Variants in BRAT1 observed in about 807,000 individuals in gnomAD.
BRAT1 encodes the protein integrator complex assembly factor BRAT1.
BRAT1 carries 74 observed loss-of-function variants against 70.6 expected under a neutral mutation model. The ratio of observed to expected loss-of-function variants is 1.05; its 90% confidence interval spans 0.87 to 1.27. The LOEUF (loss-of-function observed/expected upper bound fraction) is 1.27, where lower values mean the gene tolerates loss of function less well. BRAT1 is among the 50% of genes most tolerant of loss of function. The probability of loss-of-function intolerance (pLI) is 0.00; values close to 1 mark genes in which losing one functional copy is unlikely to be tolerated. For synonymous variants in BRAT1, 615 were observed against 517.1 expected (o/e 1.19, Z -2.57); for missense variants, 1,203 against 1,098.2 (o/e 1.10, Z -1.35).
chr7:2,548,008 T>C (rs890234418), intron 2 of BRAT1, among the ~76,000 whole-genome samples: 4 of 145,362 alleles, frequency 2.8e-5, no homozygotes, highest in African/African-American at 7.7e-5. Context: ...CGCTTGAACC[T>C]GGGAGGCAGA....
chr7:2,539,368 C>T lies in BRAT1; in HGVS notation c.1598-17G>A. The T allele has an allele frequency of 6.3e-7, 1 of 1,592,598 alleles. No homozygotes were observed. The highest frequency in any genetic ancestry group is 8.6e-7 in the Non-Finnish European group (1 of 1,165,666). On this transcript the variant is annotated splice_polypyrimidine_tract_variant and intron_variant, in intron 12 of 13. Coordinates refer to ENST00000340611, the MANE Select transcript of BRAT1 (RefSeq NM_152743.4). ...CAGCCTGTCCTGGGGGTCGAAACGG[C>T]CACATGCAGCTGTGACTGAGGGCCG...
chr7:2,550,908 C>T (rs1476838886), intron 2 of BRAT1, among the ~76,000 whole-genome samples: 1 of 152,148 alleles, frequency 6.6e-6, no homozygotes, highest in East Asian at 1.9e-4. Context: ...ACCAGGGTTC[C>T]ATGGTGCCAC....
In BRAT1 at chr7:2,541,764, CCGGCGCAGGA is replaced by C. The variant is rs1177188236; in HGVS notation, c.1078_1087del (p.Ser360AlafsTer33). The C allele has an allele frequency of 6.2e-7, 1 of 1,611,954 alleles. No individual in the cohort carries two copies. Among genetic ancestry groups the C allele is most frequent in the African/African-American group, 1.3e-5 (1 of 74,902 alleles). On this transcript the variant is annotated frameshift_variant, in exon 8 of 14. Coordinates refer to ENST00000340611, the MANE Select transcript of BRAT1 (RefSeq NM_152743.4). LOFTEE classifies it high-confidence loss of function. ...GTGAGCCAGGGTGCGGCACAGGAGG[CCGGCGCAGGA>C]CGACTTGGAGGCCAGGAGTGTGTCC...
At chr7:2,540,608 GC>G (rs1370559681) in intron 10 of BRAT1, 1 of 211,912 alleles carries the variant, frequency 4.7e-6, no homozygotes, top group Non-Finnish European at 9.3e-6. Flanking sequence ...ACCTGCCAGG[GC>G]CCAGCTCCGT....
rs73287544 is a variant in BRAT1 at position 2,542,224 on chromosome 7, G to T, written c.924-13C>A. ...CAGTGCCTGTGGACTGGAGACAAAC[G>T]CGAGGTGAGTGCCGCGACCCTGGCT... On this transcript the variant is annotated splice_polypyrimidine_tract_variant and intron_variant, in intron 6 of 13. Transcript: ENST00000340611. 3 of 1,551,496 alleles carry T rather than the reference G, an allele frequency of 1.9e-6. No homozygotes were observed. Among genetic ancestry groups the T allele is most frequent in the Non-Finnish European group, 2.6e-6 (3 of 1,146,074 alleles).
rs1779372413 is a variant in BRAT1, at chr7:2,543,784, T to C, written c.609A>G (p.Glu203=). The C allele has an allele frequency of 6.2e-7, 1 of 1,612,590 alleles. No individual in the cohort carries two copies. The change falls in exon 5 of 14, where the codon GAA becomes GAG. Residue 203 remains glutamate, a synonymous_variant. Transcript: ENST00000340611. This position sits in a 1 kb window ranked among gnomAD's most constrained non-coding sequence, Gnocchi z 5.5. ...ACAQKIMDHV[E]ESLCSAATPK... ...GGGTGGCCGCGGAGCACAAGGACTC[T>C]TCAACGTGATCCATGATCTTCTGGG... is the stretch of plus-strand genomic sequence containing the variant.
chr7:2,541,659 T>C, intron 8 of BRAT1, 59 bp downstream of exon 8: 5 of 1,534,182 alleles, frequency 3.3e-6, no homozygotes, highest in Non-Finnish European at 3.5e-6. Flanking sequence ...CAGCCTACGT[T>C]GCGGTCCCAC....
chr7:2,549,812 G>C (rs1779868563), intron 2 of BRAT1, among the ~76,000 whole-genome samples: 1 of 152,138 alleles, frequency 6.6e-6, no homozygotes, highest in African/African-American at 2.4e-5. Flanking sequence ...TAAAGAAGCT[G>C]ATGTAGCAAC....
At position 2,543,466 on chromosome 7, in the gene BRAT1, G is replaced by A. The variant is rs550964089; in HGVS notation, c.803+124C>T. 477 of 1,478,874 alleles carry A rather than the reference G, an allele frequency of 3.2e-4. 1 individual carries two copies. In the African/African-American group the frequency reaches 5.0e-3, roughly 15 times the overall value. 91.6% of individuals were successfully genotyped at this position (1,478,874 alleles called of 1,614,324 possible). A position where few individuals can be genotyped will look rare whatever the true frequency, so the allele number is the denominator to read the frequency against. ...CCCATGAGGGTTCCAGGGTCACCCC[G>A]GTGCCGCTTCACTGCAGGCCATGTC... is the stretch of plus-strand genomic sequence containing the variant. On this transcript the variant is annotated intron_variant, in intron 5 of 13. Coordinates refer to ENST00000340611, the MANE Select transcript of BRAT1 (RefSeq NM_152743.4). The surrounding 1 kb of genome is among the most constrained non-coding windows in gnomAD (Gnocchi z 5.5).
Position 2,541,297 on chromosome 7 carries a change from C to A in BRAT1, c.1321+1G>T. On this transcript the variant is annotated splice_donor_variant, in intron 9 of 13. Coordinates refer to ENST00000340611, the MANE Select transcript of BRAT1 (RefSeq NM_152743.4). LOFTEE classifies it high-confidence loss of function. ...GCCAAAGCCGTACAGAACACACTCA[C>A]CTGTCCCCTGTGACAGCGTCCCCAG... The A allele has an allele frequency of 6.3e-7, 1 of 1,586,572 alleles. No homozygotes were observed.
Position 2,554,442 on chromosome 7 carries a change from C to T in BRAT1, c.-11G>A. On this transcript the variant is annotated 5_prime_UTR_variant, in exon 2 of 14. Coordinates refer to ENST00000340611, the MANE Select transcript of BRAT1 (RefSeq NM_152743.4). Reference sequence around the variant, plus strand: ...GCATTCTGGGTCCATGGTGAGGCCGCAGGCCCTGCAAAGGCAATGTGAGAG... The same window carrying T: ...GCATTCTGGGTCCATGGTGAGGCCGTAGGCCCTGCAAAGGCAATGTGAGAG... 6.2e-7 allele frequency: 1 copy of T among 1,611,364 alleles called. No individual in the cohort carries two copies. Among genetic ancestry groups the T allele is most frequent in the East Asian group, 2.2e-5 (1 of 44,848 alleles).
chr7:2,551,698 A>G (rs902013808), intron 2 of BRAT1, among the ~76,000 whole-genome samples: 1 of 151,846 alleles, frequency 6.6e-6, no homozygotes, highest in African/African-American at 2.4e-5. Context: ...AAAAAAAGAA[A>G]AAGAAAAACT....
rs138016332 is a variant in BRAT1 at position 2,541,328 on chromosome 7, C to T, written c.1291G>A (p.Asp431Asn). Residue 431 changes from aspartate (D) to asparagine (N), a missense_variant, in exon 9 of 14, where the codon GAC (aspartate) becomes AAC (asparagine). Physicochemically the swap from Asp to Asn is conservative, Grantham distance 23 (BLOSUM62 1). Coordinates refer to ENST00000340611, the MANE Select transcript of BRAT1 (RefSeq NM_152743.4). The part of the protein sequence containing the change: ...GCVRVQRAAL[D>N]FLGTLSQGTG... ...CCCTGTGACAGCGTCCCCAGGAAGT[C>T]GAGGGCTGCTCGCTGGACCCGGACG... 75 of 1,600,262 alleles carry T rather than the reference C, an allele frequency of 4.7e-5. No homozygotes were observed. The African/African-American group carries it at 5.1e-4, about 11-fold the overall frequency.
intron 4 of BRAT1, 88 bp downstream of exon 4, chr7:2,544,821 C>A: frequency 1.3e-6 from 2 of 1,507,936 alleles, no homozygotes; most frequent in Non-Finnish European, 8.9e-7. Flanking sequence ...ATCGCACAGA[C>A]CAGACACTCA....
At chr7:2,546,078 T>C (rs762834475) in intron 3 of BRAT1, among the ~76,000 whole-genome samples, 2 of 152,194 alleles carry the variant, frequency 1.3e-5, no homozygotes, top group Non-Finnish European at 2.9e-5. Context: ...GACTCAGCGG[T>C]GCCTGTCTGA....
rs779829168 is a variant in BRAT1 at position 2,543,496 on chromosome 7, G to C, written c.803+94C>G. ...CGCTTCACTGCAGGCCATGTCCTCA[G>C]AGAGTCTCCGGCTGCCAGTGGGACA... On this transcript the variant is annotated intron_variant, in intron 5 of 13. Transcript: ENST00000340611. The surrounding 1 kb of genome is among the most constrained non-coding windows in gnomAD (Gnocchi z 5.5). The C allele has an allele frequency of 6.7e-7, 1 of 1,484,860 alleles. No individual in the cohort carries two copies. Among genetic ancestry groups the C allele is most frequent in the Admixed American group, 2.3e-5 (1 of 42,614 alleles). 92.0% of individuals were successfully genotyped at this position (1,484,860 alleles called of 1,614,324 possible). A position where few individuals can be genotyped will look rare whatever the true frequency, so the allele number is the denominator to read the frequency against.
intron 9 of BRAT1, 69 bp downstream of exon 9, chr7:2,541,229 C>T (rs1354899497): frequency 1.3e-6 from 2 of 1,505,070 alleles, no homozygotes; most frequent in Admixed American, 2.3e-5. Flanking sequence ...TTCCCGGGTG[C>T]CTCCGAGCAG....
rs532819796 is a variant in BRAT1, at chr7:2,544,365, G to A, written c.431-403C>T. On this transcript the variant is annotated intron_variant, in intron 4 of 13. Coordinates refer to ENST00000340611, the MANE Select transcript of BRAT1 (RefSeq NM_152743.4). Reference sequence around the variant, plus strand: ...TTACAGGCACCCGCCATCATGCCCGGCTAATTTTTGTATTCTCGTAGAGAC... The same window carrying A: ...TTACAGGCACCCGCCATCATGCCCGACTAATTTTTGTATTCTCGTAGAGAC... The A allele has an allele frequency of 2.4e-3, 425 of 174,520 alleles. 5 individuals are homozygous for A. The highest frequency in any genetic ancestry group is 0.021 in the South Asian group (134 of 6,302). The allele number at this position is 174,520 out of a possible 1,614,324, so 10.8% of individuals were successfully genotyped here.
chr7:2,538,103 C>T lies in BRAT1; in HGVS notation c.2432G>A (p.Gly811Asp). 1.9e-6 allele frequency: 3 copies of T among 1,586,246 alleles called. No individual in the cohort carries two copies. Among genetic ancestry groups the T allele is most frequent in the Non-Finnish European group, 1.7e-6 (2 of 1,161,356 alleles). Residue 811 changes from glycine (G) to aspartate (D), a missense_variant, in exon 14 of 14, where the codon GGC becomes GAC. Physicochemically the swap from Gly to Asp is moderately conservative, Grantham distance 94 (BLOSUM62 -1). Transcript: ENST00000340611. ...GTCGGCCTCGTCCCCCTGCAGGAAG[C>T]CTCCCGTGGCCAGCATGTCCTGCAG... The part of the protein sequence containing the change: ...SLLQDMLATG[G>D]FLQGDEADCY
Sources: gnomAD v4.1 joint callset for allele counts (sites outside exome capture counted in the v4.1 genomes callset) on GRCh38, gnomAD v4.1.1 for gene constraint, Gnocchi (gnomAD v3.1) non-coding constraint, MANE v1.5 for transcripts, NCBI Gene and HGNC (gene_info 2026-07-23, HGNC 2026-07-21) for gene names.